The following ASTN1 variants were observed in gnomAD, a reference collection of about 807,000 sequenced individuals.
ASTN1 encodes astrotactin-1.
ASTN1 carries 41 observed loss-of-function variants against 140.7 expected under a neutral mutation model. The ratio of observed to expected loss-of-function variants is 0.29; its 90% CI spans 0.23 to 0.38. The LOEUF is 0.38. Among genes scored for constraint, ASTN1 ranks in the 10% least tolerant of loss-of-function variants. The pLI is 1.00. For synonymous variants in ASTN1, 640 were observed against 652.2 expected, an observed-to-expected ratio of 0.98 and a Z score of 0.29; for missense variants, 1,479 against 1,678.8, an observed-to-expected ratio of 0.88 and a Z score of 2.08.
chr1:177,054,451 G>A (rs907743195), intron 2 of ASTN1, among the ~76,000 whole-genome samples: 4 of 152,096 alleles, frequency 2.6e-5, no homozygotes, highest in Admixed American at 6.6e-5. Context: ...ACAAGAAATC[G>A]TGAAATCAGT....
chr1:177,138,579 TGGACTG>T (rs1682307116), intron 1 of ASTN1, among the ~76,000 whole-genome samples: 1 of 152,184 alleles, frequency 6.6e-6, no homozygotes, highest in African/African-American at 2.4e-5. Context: ...CACCTTCCAC[TGGACTG>T]GGACAAATAG....
At chr1:177,046,220 A>T (rs912053298) in intron 2 of ASTN1, among the ~76,000 whole-genome samples, 1 of 152,132 alleles carries the variant, frequency 6.6e-6, no homozygotes, top group Non-Finnish European at 1.5e-5. Flanking sequence ...TGTAACTCCA[A>T]TTTTTTCTCT....
At chr1:177,123,873 G>C (rs1159092831) in intron 1 of ASTN1, among the ~76,000 whole-genome samples, 1 of 152,184 alleles carries the variant, frequency 6.6e-6, no homozygotes, top group Admixed American at 6.5e-5. Flanking sequence ...CGAATTCAGT[G>C]GCCGATTAGC....
At chr1:177,014,641 T>G in intron 8 of ASTN1, 150 bp downstream of exon 8, 2 of 648,906 alleles carry the variant, frequency 3.1e-6, no homozygotes, top group East Asian at 2.8e-5. Context: ...GGTATAAATA[T>G]GGAAAGGCAT....
chr1:176,960,475 A>C (rs1672611510), intron 9 of ASTN1, among the ~76,000 whole-genome samples: 1 of 152,178 alleles, frequency 6.6e-6, no homozygotes, highest in Admixed American at 6.5e-5. Flanking sequence ...GTTCTGATAC[A>C]TTTCTGATGG....
At chr1:176,920,394 A>G (rs1028407545) in intron 16 of ASTN1, among the ~76,000 whole-genome samples, 3 of 152,206 alleles carry the variant, frequency 2.0e-5, no homozygotes, top group African/African-American at 7.2e-5. Context: ...GGCATCCCAC[A>G]TGACCCGGGG....
In ASTN1 at chr1:176,990,799, C is replaced by T. The variant is rs74127275; in HGVS notation, c.1523+23992G>A. Among the ~76,000 whole-genome samples the T allele has an allele frequency of 7.4e-3, 1,127 of 152,228 alleles. 15 individuals are homozygous for T. Among genetic ancestry groups the T allele is most frequent in the African/African-American group, 0.024 (1,002 of 41,518 alleles). Reference sequence around the variant, plus strand: ...CCTTCCACTGTCCCCATCCTTCTCACGCCCATCTAATAAATATCAACATCA... The same window carrying T: ...CCTTCCACTGTCCCCATCCTTCTCATGCCCATCTAATAAATATCAACATCA... On this transcript the variant is annotated intron_variant, in intron 8 of 22. Coordinates refer to ENST00000361833, the MANE Select transcript of ASTN1 (RefSeq NM_004319.3).
intron 2 of ASTN1, among the ~76,000 whole-genome samples, chr1:177,035,582 G>A (rs2101983436): frequency 6.6e-6 from 1 of 152,312 alleles, no homozygotes; most frequent in Admixed American, 6.5e-5. Flanking sequence ...TGTTTAAACA[G>A]GACTATTTGT....
chr1:176,922,464 T>C (rs1407331482), intron 16 of ASTN1, among the ~76,000 whole-genome samples: 2 of 146,294 alleles, frequency 1.4e-5, no homozygotes, highest in African/African-American at 5.1e-5. Flanking sequence ...GAGGCTGAGA[T>C]GGGAGGATCC....
rs950774288 is a variant in ASTN1, at chr1:176,863,999, AAAATG to A, written c.*280_*284del. ...TTTTGGTAAACTTCTCAGGGAAAAAAAAATGAATGGAACAAATTAATGGCAAAGCA... is the reference window on the plus strand; with the variant it reads ...TTTTGGTAAACTTCTCAGGGAAAAAAAATGGAACAAATTAATGGCAAAGCA... On this transcript the variant is annotated 3_prime_UTR_variant, in exon 23 of 23. Transcript: ENST00000361833. 7.6e-6 allele frequency: 9 copies of A among 1,177,572 alleles called. No individual in the cohort carries two copies. The highest frequency in any genetic ancestry group is 8.4e-6 in the Non-Finnish European group (8 of 948,008). 72.9% of individuals were successfully genotyped at this position (1,177,572 alleles called of 1,614,324 possible). A position where few individuals can be genotyped will look rare whatever the true frequency, so the allele number is the denominator to read the frequency against.
chr1:177,052,000 G>A (rs1677564231), intron 2 of ASTN1, among the ~76,000 whole-genome samples: 1 of 152,170 alleles, frequency 6.6e-6, no homozygotes, highest in East Asian at 1.9e-4. Flanking sequence ...GTAGGTATCA[G>A]ATGTCAATTA....
intron 2 of ASTN1, among the ~76,000 whole-genome samples, chr1:177,042,807 G>T (rs1677039167): frequency 6.6e-6 from 1 of 152,186 alleles, no homozygotes; most frequent in African/African-American, 2.4e-5. Flanking sequence ...GCCCACCACT[G>T]TGGTCTGGGC....
intron 16 of ASTN1, among the ~76,000 whole-genome samples, chr1:176,915,005 T>A (rs960089661): frequency 4.6e-5 from 7 of 152,178 alleles, no homozygotes; most frequent in African/African-American, 1.7e-4. Context: ...GACAAAAAAA[T>A]TTTCATGCTC....
At chr1:176,933,372 A>G (rs765577443) in intron 16 of ASTN1, among the ~76,000 whole-genome samples, 1 of 152,184 alleles carries the variant, frequency 6.6e-6, no homozygotes, top group Non-Finnish European at 1.5e-5. Flanking sequence ...CTAATTCATC[A>G]CTTGCCCTTT....
At chr1:176,935,857 TC>T (rs992820179) in intron 15 of ASTN1, among the ~76,000 whole-genome samples, 1 of 152,052 alleles carries the variant, frequency 6.6e-6, no homozygotes, top group African/African-American at 2.4e-5. Flanking sequence ...TGGTTTTCCG[TC>T]CCCCCTCTTT....
At chr1:176,888,246 AG>A (rs1313357679) in intron 17 of ASTN1, 42 bp from the exon 18 acceptor site, 1 of 1,607,690 alleles carries the variant, frequency 6.2e-7, no homozygotes, top group South Asian at 1.1e-5. Context: ...TTGAGAAGCC[AG>A]GGCTAGGCCA....
intron 22 of ASTN1, among the ~76,000 whole-genome samples, chr1:176,865,525 A>T (rs1334480444): frequency 6.6e-6 from 1 of 152,200 alleles, no homozygotes; most frequent in Non-Finnish European, 1.5e-5. Context: ...CTTATTCTTT[A>T]AAAATGCAAG....
chr1:176,892,250 G>C (rs1206245558), intron 17 of ASTN1, among the ~76,000 whole-genome samples: 1 of 152,166 alleles, frequency 6.6e-6, no homozygotes, highest in East Asian at 1.9e-4. Flanking sequence ...CAAATTATCT[G>C]AAGTTCATAT....
chr1:177,044,047 C>T (rs1005413142), intron 2 of ASTN1, among the ~76,000 whole-genome samples: 1 of 152,078 alleles, frequency 6.6e-6, no homozygotes, highest in African/African-American at 2.4e-5. Context: ...TTAGGACGGG[C>T]TTCGTTAAGC....
Sources: allele counts gnomAD v4.1 joint callset (sites outside exome capture counted in the v4.1 genomes callset), GRCh38; gene constraint gnomAD v4.1.1; transcripts MANE v1.5; gene names NCBI Gene and HGNC (gene_info 2026-07-23, HGNC 2026-07-21).